SHB: variants seen among roughly 807,000 people sequenced by gnomAD.
The protein encoded by SHB is SH2 domain-containing adapter protein B.
Under a neutral mutation model 52.3 loss-of-function variants are expected in SHB, and 20 were observed. The ratio of observed to expected loss-of-function variants is 0.38; its 90% CI spans 0.27 to 0.56. The LOEUF is 0.56. Among genes scored for constraint, SHB ranks in the 20% least tolerant of loss-of-function variants. The probability of loss-of-function intolerance (pLI) is 0.71; values close to 1 mark genes in which losing one functional copy is unlikely to be tolerated. For missense variants in SHB, 825 were observed against 723.3 expected (o/e 1.14, Z -1.61); for synonymous variants, 397 against 316.5 (o/e 1.25, Z -2.70).
chr9:38,061,035 G>A (rs969316531), intron 1 of SHB, among the ~76,000 whole-genome samples: 14 of 152,130 alleles, frequency 9.2e-5, no homozygotes, highest in African/African-American at 3.4e-4. Flanking sequence ...TTTGTCCTGC[G>A]GAAAATGCAC....
chr9:38,068,326 C>T lies in SHB; in HGVS notation c.320G>A (p.Arg107His). ...GCAGTAGTCCAGGCGGCACATGGCG[C>T]GCAGTTTGCGCAGCGACGAGCCAGG... Reference protein sequence around the residue: ...NGPGSSLRKLRAMCRLDYCGG... With the variant: ...NGPGSSLRKLHAMCRLDYCGG... Residue 107 changes from arginine (R) to histidine (H), a missense_variant, in exon 1 of 6, where the codon CGC becomes CAC. Physicochemically the swap from Arg to His is conservative, Grantham distance 29. Coordinates refer to ENST00000377707, the MANE Select transcript of SHB (RefSeq NM_003028.3). The T allele has an allele frequency of 1.3e-6, 2 of 1,535,578 alleles. No homozygotes were observed. The highest frequency in any genetic ancestry group is 1.2e-5 in the South Asian group (1 of 82,220).
intron 3 of SHB, among the ~76,000 whole-genome samples, chr9:37,958,884 G>T (rs977551884): frequency 2.0e-5 from 3 of 152,154 alleles, no homozygotes; most frequent in African/African-American, 7.2e-5. Context: ...GAGAGAAAGA[G>T]GTGAAGCAGG....
intron 5 of SHB, among the ~76,000 whole-genome samples, chr9:37,929,111 G>C (rs745643804): frequency 6.6e-6 from 1 of 152,248 alleles, no homozygotes; most frequent in Non-Finnish European, 1.5e-5. Context: ...ACCCAGACCT[G>C]TATCTGAGTC....
intron 3 of SHB, among the ~76,000 whole-genome samples, chr9:37,974,346 C>T (rs530130413): frequency 6.6e-6 from 1 of 152,286 alleles, no homozygotes; most frequent in South Asian, 2.1e-4. Flanking sequence ...CAAGACAGAA[C>T]CAGACAATGA....
chr9:37,918,353 G>A lies in SHB; in HGVS notation c.*1468C>T, dbSNP rs1832128090. 6.6e-6 allele frequency among the ~76,000 whole-genome samples: 1 copy of A among 150,852 alleles called. No homozygotes were observed. Among genetic ancestry groups the A allele is most frequent in the Non-Finnish European group, 1.5e-5 (1 of 67,830 alleles). ...GAGGACCCTGCTATGGCAAGCAAGA[G>A]AGAGGTCGCGTGTGCGTGTGCGTGT... On this transcript the variant is annotated 3_prime_UTR_variant, in exon 6 of 6. Coordinates refer to ENST00000377707, the MANE Select transcript of SHB (RefSeq NM_003028.3).
At chr9:37,962,841 C>T (rs1394654650) in intron 3 of SHB, among the ~76,000 whole-genome samples, 1 of 152,192 alleles carries the variant, frequency 6.6e-6, no homozygotes, top group Non-Finnish European at 1.5e-5. Context: ...GTGATTCCTG[C>T]TCATGGGCAG....
chr9:38,051,025 C>T (rs1394878543), intron 1 of SHB, among the ~76,000 whole-genome samples: 1 of 152,200 alleles, frequency 6.6e-6, no homozygotes, highest in Non-Finnish European at 1.5e-5. Context: ...CAAGTCTAAT[C>T]ATCTGTAAGG....
chr9:38,000,616 C>T lies in SHB; in HGVS notation c.838+15395G>A, dbSNP rs541975070. Among the ~76,000 whole-genome samples the T allele has an allele frequency of 7.2e-5, 11 of 152,358 alleles. No individual in the cohort carries two copies. The South Asian group carries it at 1.9e-3, about 26-fold the overall frequency. ...CCGGGTGGGCTGATTCTGTCTGCAA[C>T]GCTGGGCTAACCTGTACAGTCCATT... On this transcript the variant is annotated intron_variant, in intron 2 of 5. Transcript: ENST00000377707.
chr9:38,057,428 T>C (rs1284272859), intron 1 of SHB, among the ~76,000 whole-genome samples: 1 of 152,256 alleles, frequency 6.6e-6, no homozygotes, highest in Admixed American at 6.5e-5. Context: ...TATTATTTTC[T>C]ATACCAAACT....
intron 1 of SHB, among the ~76,000 whole-genome samples, chr9:38,029,187 C>T (rs1010855897): frequency 6.6e-6 from 1 of 152,214 alleles, no homozygotes; most frequent in African/African-American, 2.4e-5. Flanking sequence ...TCAACTCTGC[C>T]CAGCCCCAGC....
chr9:37,950,051 C>A (rs1452613634), intron 4 of SHB, among the ~76,000 whole-genome samples: 2 of 152,200 alleles, frequency 1.3e-5, no homozygotes, highest in African/African-American at 4.8e-5. Context: ...ATCCCCCCAA[C>A]CCCCAGCCTC....
At chr9:38,013,769 C>A (rs1349985174) in intron 2 of SHB, among the ~76,000 whole-genome samples, 1 of 152,158 alleles carries the variant, frequency 6.6e-6, no homozygotes, top group Non-Finnish European at 1.5e-5. Context: ...CTCTCCCATC[C>A]CCCTTCCATT....
intron 5 of SHB, among the ~76,000 whole-genome samples, chr9:37,931,103 C>T (rs1296100378): frequency 6.6e-6 from 1 of 152,078 alleles, no homozygotes; most frequent in African/African-American, 2.4e-5. Flanking sequence ...CTATTACACA[C>T]AAAAAATCAA....
intron 1 of SHB, among the ~76,000 whole-genome samples, chr9:38,042,787 G>T (rs915191520): frequency 2.0e-5 from 3 of 152,114 alleles, no homozygotes; most frequent in Non-Finnish European, 4.4e-5. Context: ...CCTCGAAGTC[G>T]AATTCCTGTT....
At chr9:37,976,354 C>T (rs1416054050) in intron 2 of SHB, among the ~76,000 whole-genome samples, 7 of 152,146 alleles carry the variant, frequency 4.6e-5, no homozygotes, top group Non-Finnish European at 1.0e-4. Flanking sequence ...CCATTTTAGC[C>T]ATGATTAACG....
In SHB at chr9:37,956,064, G is replaced by C. The variant is rs1438130104; in HGVS notation, c.1055-10C>G. 9 of 1,553,648 alleles carry C rather than the reference G, an allele frequency of 5.8e-6. No individual in the cohort carries two copies. The highest frequency in any genetic ancestry group is 7.8e-6 in the Non-Finnish European group (9 of 1,148,070). ...TTGCCATTAAACTGTGCTGTGGGGA[G>C]AGAGAGAAAGTGCAGGGTTAGCAGA... is the stretch of plus-strand genomic sequence containing the variant. On this transcript the variant is annotated splice_polypyrimidine_tract_variant and intron_variant, in intron 3 of 5. Transcript: ENST00000377707.
At chr9:37,949,981 G>A (rs1348276442) in intron 4 of SHB, among the ~76,000 whole-genome samples, 1 of 152,180 alleles carries the variant, frequency 6.6e-6, no homozygotes, top group Non-Finnish European at 1.5e-5. Flanking sequence ...CCGTCACCCA[G>A]GCTGGAGTGC....
intron 2 of SHB, among the ~76,000 whole-genome samples, chr9:37,975,467 C>T (rs1262748052): frequency 6.6e-6 from 1 of 152,194 alleles, no homozygotes. Flanking sequence ...TCCAGCTTCA[C>T]TTCTGAATAA....
chr9:37,987,326 G>T (rs1820822295), intron 2 of SHB, among the ~76,000 whole-genome samples: 1 of 152,228 alleles, frequency 6.6e-6, no homozygotes, highest in South Asian at 2.1e-4. Flanking sequence ...AACCCCATGA[G>T]GTGGTACCCC....
Sources: allele counts gnomAD v4.1 joint callset (sites outside exome capture counted in the v4.1 genomes callset), GRCh38; gene constraint gnomAD v4.1.1; transcripts MANE v1.5; gene names NCBI Gene and HGNC (gene_info 2026-07-23, HGNC 2026-07-21).